DMD: variants seen among roughly 807,000 people sequenced by gnomAD.
DMD encodes the protein dystrophin, also known as mutant dystrophin.
DMD carries 63 observed loss-of-function variants against 330.1 expected under a neutral mutation model. That is an observed-to-expected ratio of 0.19 (90% confidence interval 0.16 to 0.24). The LOEUF (loss-of-function observed/expected upper bound fraction) is 0.24. Ranked by LOEUF, DMD falls within the 10% of genes least tolerant of loss-of-function variation. The probability of loss-of-function intolerance (pLI) is 1.00; values close to 1 mark genes in which losing one functional copy is unlikely to be tolerated. For synonymous variants in DMD, 1,223 were observed against 959.8 expected (o/e 1.27, Z -5.07); for missense variants, 3,344 against 2,684.1 (o/e 1.25, Z -5.43).
chrX:31,618,770 C>G (rs1359876503), intron 55 of DMD, among the ~76,000 whole-genome samples: 1 of 111,807 alleles, frequency 8.9e-6, no homozygotes, highest in Non-Finnish European at 1.9e-5. Context: ...ACATGATTCT[C>G]AAAGTAAATG....
At chrX:32,248,553 T>G (rs6631522) in intron 43 of DMD, among the ~76,000 whole-genome samples, 28,319 of 108,320 alleles carry the variant, frequency 0.26, 4,010 homozygotes, top group African/African-American at 0.53. Context: ...AGAAACCCAC[T>G]TTATATTCTG....
chrX:31,690,678 T>C (rs1247819119), intron 52 of DMD, among the ~76,000 whole-genome samples: 3 of 112,147 alleles, frequency 2.7e-5, no homozygotes, highest in Non-Finnish European at 3.8e-5. Flanking sequence ...GGTATGTTTA[T>C]TGCTGCACTA....
intron 7 of DMD, among the ~76,000 whole-genome samples, chrX:32,739,416 G>A (rs769270347): frequency 4.5e-5 from 5 of 111,748 alleles, no homozygotes; most frequent in Non-Finnish European, 9.4e-5. Context: ...AACAGTTCAT[G>A]AAACTGAGAA....
chrX:31,740,335 A>G (rs2087226049), intron 51 of DMD, among the ~76,000 whole-genome samples: 1 of 112,019 alleles, frequency 8.9e-6, no homozygotes, highest in Non-Finnish European at 1.9e-5. Context: ...CAGGTTTAAG[A>G]CCAGTTTTTA....
chrX:32,477,069 T>C (rs999537193), intron 21 of DMD, among the ~76,000 whole-genome samples: 3 of 111,342 alleles, frequency 2.7e-5, no homozygotes, highest in South Asian at 3.8e-4. Flanking sequence ...ATATTGCTTA[T>C]AAATATGTAA....
chrX:32,471,798 A>G (rs2040659496), intron 22 of DMD, among the ~76,000 whole-genome samples: 1 of 111,847 alleles, frequency 8.9e-6, no homozygotes. Context: ...CTGTACACTG[A>G]TTTTACCCAC....
intron 2 of DMD, among the ~76,000 whole-genome samples, chrX:32,861,114 A>G (rs2082044006): frequency 8.9e-6 from 1 of 112,031 alleles, no homozygotes. Flanking sequence ...CTTTTCATCT[A>G]TAGAAAGAGC....
chrX:33,253,462 G>A (rs1203536946), intron 1 of DMD, among the ~76,000 whole-genome samples: 1 of 111,489 alleles, frequency 9.0e-6, no homozygotes, highest in African/African-American at 3.2e-5. Context: ...TAGAGTTAAA[G>A]CTTCATCCAT....
chrX:31,609,657 A>T (rs948507469), intron 55 of DMD, among the ~76,000 whole-genome samples: 6 of 111,794 alleles, frequency 5.4e-5, no homozygotes, highest in Admixed American at 1.9e-4. Context: ...TGTGCTTAAA[A>T]ACCTGCTCAG....
rs749511650 is a variant in DMD, at chrX:32,853,654, G to C, written c.94-3834C>G. On this transcript the variant is annotated intron_variant, in intron 2 of 78. Transcript: ENST00000357033. ...AAAAATCGCCTTCACTAAAAAGGAA[G>C]ACAGGATGGAAGAGAAAGCCACAAA... 3.7e-5 allele frequency among the ~76,000 whole-genome samples: 4 copies of C among 107,420 alleles called. No homozygotes were observed. In the East Asian group the frequency reaches 1.2e-3, roughly 32 times the overall value. The allele number at this position is 107,420 out of a possible 115,157, so 93.3% of individuals were successfully genotyped here.
chrX:31,717,741 A>G (rs1012224452), intron 52 of DMD, among the ~76,000 whole-genome samples: 2 of 112,509 alleles, frequency 1.8e-5, no homozygotes, highest in South Asian at 3.6e-4. Flanking sequence ...TTTCTGTTTA[A>G]TTACAGAGAA....
chrX:32,825,329 C>G (rs1404739687), intron 4 of DMD, among the ~76,000 whole-genome samples: 1 of 110,885 alleles, frequency 9.0e-6, no homozygotes, highest in Non-Finnish European at 1.9e-5. Context: ...ACTGTGTAAG[C>G]AGGAAGATAG....
In DMD at chrX:31,576,720, A is replaced by T. The variant is rs1045763321; in HGVS notation, c.8217+50953T>A. Among the ~76,000 whole-genome samples the T allele has an allele frequency of 2.3e-4, 25 of 110,330 alleles. No homozygotes were observed. The Admixed American group carries it at 2.3e-3, about 10-fold the overall frequency. On this transcript the variant is annotated intron_variant, in intron 55 of 78. Transcript: ENST00000357033. The stretch of plus-strand genomic sequence containing the variant: ...ATATTCTAACAAGTAAAAATCCTAA[A>T]GGCAAAATGTATGTTTTCAAGTAAA...
At chrX:31,849,966 C>T (rs773626245) in intron 48 of DMD, among the ~76,000 whole-genome samples, 2 of 110,661 alleles carry the variant, frequency 1.8e-5, no homozygotes, top group Admixed American at 9.6e-5. Context: ...GTCATGAGGG[C>T]CTGTTGTACA....
intron 50 of DMD, among the ~76,000 whole-genome samples, chrX:31,776,549 G>A (rs374746397): frequency 1.1e-5 from 1 of 93,103 alleles, no homozygotes; most frequent in South Asian, 6.7e-4. Flanking sequence ...TGAAAAGCAC[G>A]TTTGGAAAAA....
At chrX:32,990,437 C>T (rs1473124437) in intron 2 of DMD, among the ~76,000 whole-genome samples, 1 of 111,451 alleles carries the variant, frequency 9.0e-6, no homozygotes, top group East Asian at 2.8e-4. Flanking sequence ...ATCCAGGATT[C>T]ATTCAATTAT....
intron 44 of DMD, among the ~76,000 whole-genome samples, chrX:31,974,393 G>GTA (rs1299813356): frequency 9.0e-6 from 1 of 110,885 alleles, no homozygotes; most frequent in African/African-American, 3.3e-5. Context: ...TGACAAGCCT[G>GTA]TACATGTACC....
intron 43 of DMD, among the ~76,000 whole-genome samples, chrX:32,233,714 C>T (rs2097177717): frequency 9.2e-6 from 1 of 108,605 alleles, no homozygotes; most frequent in African/African-American, 3.4e-5. Flanking sequence ...CTCACCACAA[C>T]CTATGCCTCC....
At chrX:31,811,421 C>A (rs1935416816) in intron 50 of DMD, among the ~76,000 whole-genome samples, 1 of 111,902 alleles carries the variant, frequency 8.9e-6, no homozygotes, top group African/African-American at 3.2e-5. Context: ...GTTGTCACTC[C>A]CCTTTCTACA....
Sources: gnomAD v4.1 joint callset for allele counts (sites outside exome capture counted in the v4.1 genomes callset) on GRCh38, gnomAD v4.1.1 for gene constraint, MANE v1.5 for transcripts, NCBI Gene and HGNC (gene_info 2026-07-23, HGNC 2026-07-21) for gene names.